C11orf65: variants seen among roughly 807,000 people sequenced by gnomAD.
C11orf65 encodes chromosome 11 open reading frame 65.
C11orf65 carries 38 observed loss-of-function variants against 35.3 expected under a neutral mutation model. The observed-to-expected ratio is 1.08, with a 90% CI of 0.83 to 1.41. C11orf65 has a LOEUF of 1.41. C11orf65 is among the 40% of genes most tolerant of loss of function. C11orf65 has a pLI of 0.00. For missense variants in C11orf65, 370 were observed against 367.1 expected (o/e 1.01, Z -0.06); for synonymous variants, 105 against 114.4 (o/e 0.92, Z 0.53).
intron 6 of C11orf65, among the ~76,000 whole-genome samples, chr11:108,395,315 A>T (rs907840083): frequency 6.6e-6 from 1 of 151,086 alleles, no homozygotes; most frequent in Non-Finnish European, 1.5e-5. Context: ...AAATAGGGAC[A>T]ACCTGTCTCT....
At chr11:108,365,284 A>T (rs766349861) in intron 2 of C11orf65, 1 of 1,614,042 alleles carries the variant, frequency 6.2e-7, no homozygotes, top group African/African-American at 1.3e-5. Context: ...AAGGCCTTTA[A>T]ACTGTTCACC....
chr11:108,443,853 C>T (rs1358369243), intron 2 of C11orf65, among the ~76,000 whole-genome samples: 1 of 151,902 alleles, frequency 6.6e-6, no homozygotes, highest in East Asian at 1.9e-4. Context: ...ACTAAATTAC[C>T]ACCAGAGAAA....
intron 3 of C11orf65, among the ~76,000 whole-genome samples, chr11:108,428,040 G>A (rs1283367075): frequency 8.6e-5 from 13 of 150,592 alleles, no homozygotes; most frequent in South Asian, 4.2e-4. Flanking sequence ...CGTTTTAGCC[G>A]GGATGGTCTC....
chr11:108,336,060 G>A, intron 2 of C11orf65: 1 of 900,150 alleles, frequency 1.1e-6, no homozygotes, highest in South Asian at 1.4e-5. Flanking sequence ...GCTTTGGGAG[G>A]CCAAGGTGGG....
At chr11:108,380,829 G>T (rs1268904278), downstream of C11orf65, among the ~76,000 whole-genome samples, 1 of 152,156 alleles carries the variant, frequency 6.6e-6, no homozygotes, top group African/African-American at 2.4e-5. Flanking sequence ...ACTTGGTCCA[G>T]GTATGGATTT....
In C11orf65 at chr11:108,317,441, A is replaced by C. The variant is rs863224577; in HGVS notation, c.641-8370T>G. ...TAAAAGGATTGGATTATGAAAATAA[A>C]GACTGGTGTCCTGAACTAGAAGAAC... On this transcript the variant is annotated intron_variant, in intron 6 of 6. Coordinates refer to the C11orf65 transcript ENST00000525729. 2 of 1,612,812 alleles carry C rather than the reference A, an allele frequency of 1.2e-6. No individual in the cohort carries two copies.
At chr11:108,450,858 C>A (rs1485867834) in intron 2 of C11orf65, among the ~76,000 whole-genome samples, 5 of 151,900 alleles carry the variant, frequency 3.3e-5, no homozygotes, top group African/African-American at 1.2e-4. Flanking sequence ...TCAACGTACA[C>A]AAATCAATAA....
At chr11:108,328,651 G>C (rs1195221572), downstream of C11orf65, among the ~76,000 whole-genome samples, 1 of 152,170 alleles carries the variant, frequency 6.6e-6, no homozygotes, top group Non-Finnish European at 1.5e-5. Flanking sequence ...GAAAAGTCAA[G>C]AAAATACCAT....
intron 6 of C11orf65, among the ~76,000 whole-genome samples, chr11:108,393,681 A>G (rs1171207321): frequency 6.6e-6 from 1 of 152,242 alleles, no homozygotes; most frequent in Non-Finnish European, 1.5e-5. Context: ...AAAGGGTCTT[A>G]GAAACCAAAT....
chr11:108,341,377 C>G (rs1319123850), intron 2 of C11orf65, among the ~76,000 whole-genome samples: 1 of 152,034 alleles, frequency 6.6e-6, no homozygotes, highest in Non-Finnish European at 1.5e-5. Context: ...GTTTTGTTCT[C>G]TTATACTTAT....
At chr11:108,448,380 C>A (rs2093296643) in intron 2 of C11orf65, among the ~76,000 whole-genome samples, 1 of 152,128 alleles carries the variant, frequency 6.6e-6, no homozygotes, top group Non-Finnish European at 1.5e-5. Context: ...ATGCAAAAAT[C>A]CTCAATAAAA....
chr11:108,468,521 G>A (rs1002149031), upstream of C11orf65, among the ~76,000 whole-genome samples: 2 of 152,174 alleles, frequency 1.3e-5, no homozygotes, highest in South Asian at 2.1e-4. Flanking sequence ...TGTTTGTAAG[G>A]AAGATAAACT....
chr11:108,340,354 A>G (rs2087390758), intron 2 of C11orf65: 1 of 152,180 alleles, frequency 6.6e-6, no homozygotes, highest in Non-Finnish European at 1.5e-5. Flanking sequence ...TAAACATTTC[A>G]GTGTGTAGAT....
At chr11:108,379,362 T>C (rs187606204), downstream of C11orf65, among the ~76,000 whole-genome samples, 52 of 150,586 alleles carry the variant, frequency 3.5e-4, no homozygotes, top group Non-Finnish European at 6.3e-4. Flanking sequence ...TCATTCTCAG[T>C]AAACTATCGC....
chr11:108,406,719 T>G, intron 5 of C11orf65, 44 bp downstream of exon 5: 1 of 1,240,996 alleles, frequency 8.1e-7, no homozygotes, highest in Non-Finnish European at 1.1e-6. Flanking sequence ...ACAAATGGGT[T>G]TCTAAATACG....
intron 2 of C11orf65, among the ~76,000 whole-genome samples, chr11:108,356,913 C>T (rs947700148): frequency 6.6e-6 from 1 of 152,152 alleles, no homozygotes; most frequent in African/African-American, 2.4e-5. Flanking sequence ...ATAACTGTCA[C>T]CTTTAAACAC....
chr11:108,369,233 T>C (rs12270808), intron 2 of C11orf65: 4,050 of 153,880 alleles, frequency 0.026, 187 homozygotes, highest in African/African-American at 0.092. Context: ...CTGAGGAGGA[T>C]AGGCAACTGA....
intron 3 of C11orf65, among the ~76,000 whole-genome samples, chr11:108,419,312 ACATT>A (rs2092783380): frequency 1.3e-5 from 2 of 152,362 alleles, no homozygotes; most frequent in East Asian, 3.9e-4. Context: ...AGACGATTTA[ACATT>A]CAAACAAAAA....
chr11:108,376,577 A>T (rs1041927287), intron 2 of C11orf65, among the ~76,000 whole-genome samples: 38 of 151,008 alleles, frequency 2.5e-4, no homozygotes, highest in Non-Finnish European at 4.6e-4. Flanking sequence ...GAACTAGAAA[A>T]GCAAGAGCAA....
Sources: gnomAD v4.1 joint callset for allele counts (sites outside exome capture counted in the v4.1 genomes callset) on GRCh38, gnomAD v4.1.1 for gene constraint, MANE v1.5 for transcripts, NCBI Gene and HGNC (gene_info 2026-07-23, HGNC 2026-07-21) for gene names.